The following SYNJ1 variants were observed in gnomAD, a reference collection of about 807,000 sequenced individuals.
SYNJ1 encodes the protein polyphosphatidylinositol phosphatase SYNJ1.
Under a neutral mutation model 168.2 loss-of-function variants are expected in SYNJ1, and 78 were observed. The observed-to-expected ratio is 0.46, with a 90% CI of 0.39 to 0.56. The LOEUF (loss-of-function observed/expected upper bound fraction) is 0.56, where lower values mean the gene tolerates loss of function less well. SYNJ1 is among the 20% of genes least tolerant of loss of function. The pLI, the probability that SYNJ1 is intolerant of heterozygous loss-of-function variation, is 0.00. For synonymous variants in SYNJ1, 539 were observed against 548.6 expected (o/e 0.98, Z 0.24); for missense variants, 1,303 against 1,597.6 (o/e 0.82, Z 3.14).
At chr21:32,701,019 G>C (rs1337251806) in intron 3 of SYNJ1, among the ~76,000 whole-genome samples, 3 of 152,064 alleles carry the variant, frequency 2.0e-5, no homozygotes, top group African/African-American at 7.3e-5. Flanking sequence ...AGGTAGAAGC[G>C]GCCCTGAATC....
At chr21:32,646,258 A>G (rs940744313) in intron 24 of SYNJ1, 135 bp downstream of exon 24, 12 of 839,792 alleles carry the variant, frequency 1.4e-5, no homozygotes, top group Non-Finnish European at 2.3e-5. Context: ...CTTATCATCT[A>G]CAAGTTTTCC....
chr21:32,645,428 T>TGTG (rs1312471613), intron 25 of SYNJ1, among the ~76,000 whole-genome samples: 1 of 152,214 alleles, frequency 6.6e-6, no homozygotes, highest in African/African-American at 2.4e-5. Context: ...AGAAGGCAGC[T>TGTG]AAAGGCAGCT....
chr21:32,686,918 T>G (rs1370215940), intron 8 of SYNJ1, 60 bp downstream of exon 8: 14 of 1,142,452 alleles, frequency 1.2e-5, no homozygotes, highest in Non-Finnish European at 1.7e-5. Flanking sequence ...ATTATTTTAT[T>G]TTTTAATACC....
chr21:32,702,238 T>A (rs1342356688), intron 2 of SYNJ1, among the ~76,000 whole-genome samples, 191 bp from the exon 3 acceptor site: 1 of 152,224 alleles, frequency 6.6e-6, no homozygotes, highest in Non-Finnish European at 1.5e-5. Flanking sequence ...CAAGACCATC[T>A]ATTAATTAAT....
intron 9 of SYNJ1, among the ~76,000 whole-genome samples, chr21:32,684,808 C>T (rs1180338832): frequency 6.6e-6 from 1 of 152,132 alleles, no homozygotes; most frequent in East Asian, 1.9e-4. Flanking sequence ...CTAACACTTG[C>T]TAATTATGAG....
intron 2 of SYNJ1, among the ~76,000 whole-genome samples, chr21:32,708,731 C>T (rs1033192820): frequency 6.7e-6 from 1 of 150,366 alleles, no homozygotes; most frequent in African/African-American, 2.4e-5. Context: ...TACTCAACAC[C>T]ATCTTTCATT....
intron 31 of SYNJ1, among the ~76,000 whole-genome samples, chr21:32,637,602 G>C (rs2039635561): frequency 6.6e-6 from 1 of 151,974 alleles, no homozygotes; most frequent in South Asian, 2.1e-4. Context: ...AAACAAAAGA[G>C]ACAGGGTTTC....
chr21:32,685,233 C>G (rs1189923912), intron 9 of SYNJ1, among the ~76,000 whole-genome samples: 2 of 150,840 alleles, frequency 1.3e-5, no homozygotes, highest in Non-Finnish European at 3.0e-5. Flanking sequence ...ATAAAATGCG[C>G]TCACTAATGT....
In SYNJ1 at chr21:32,666,430, G is replaced by T. The variant is rs758644105; in HGVS notation, c.1952+3C>A. 1 of 1,612,752 alleles carries T rather than the reference G, an allele frequency of 6.2e-7. No individual in the cohort carries two copies. The highest frequency in any genetic ancestry group is 1.1e-5 in the South Asian group (1 of 90,624). ...GCCTTAGAGGAGTGTTCTGTTTACT[G>T]ACCTGATAAAAGGAGCATGCTGTGG... On this transcript the variant is annotated splice_donor_region_variant and intron_variant, in intron 16 of 32. Coordinates refer to ENST00000674351, the MANE Select transcript of SYNJ1 (RefSeq NM_203446.3).
intron 6 of SYNJ1, 27 bp from the exon 7 acceptor site, chr21:32,688,394 A>G (rs757521232): frequency 6.3e-7 from 1 of 1,591,518 alleles, no homozygotes; most frequent in South Asian, 1.1e-5. Context: ...ATATTTAATC[A>G]AACCAAAAAC....
chr21:32,683,733 A>G lies in SYNJ1; in HGVS notation c.1200+305T>C, dbSNP rs114471318. Among the ~76,000 whole-genome samples the G allele has an allele frequency of 1.2e-3, 182 of 152,252 alleles. 1 individual carries two copies. Among genetic ancestry groups the G allele is most frequent in the African/African-American group, 4.2e-3 (174 of 41,562 alleles). On this transcript the variant is annotated intron_variant, in intron 10 of 32. Transcript: ENST00000674351. ...TACACACATACACCCACACCCACACATATATATTTCCTCCAAAAGACAGGG... is the reference window on the plus strand; with the variant it reads ...TACACACATACACCCACACCCACACGTATATATTTCCTCCAAAAGACAGGG...
In SYNJ1 at chr21:32,650,249, G is replaced by A. The variant is rs1601283292; in HGVS notation, c.2972C>T (p.Pro991Leu). Reference protein sequence around the residue: ...MSLEKISIALPSSTSSTLLGE... With the variant: ...MSLEKISIALLSSTSSTLLGE... Reference sequence around the variant, plus strand: ...AAGCAGGGTAGAGCTTGTTGATGATGGCAATGCAATGCTAATTTTCTCTAA... The same window carrying A: ...AAGCAGGGTAGAGCTTGTTGATGATAGCAATGCAATGCTAATTTTCTCTAA... The change falls in exon 23 of 33, where the codon CCA (proline) becomes CTA (leucine). Residue 991 changes from proline to leucine, a missense_variant. By Grantham distance (98) the Pro-to-Leu change is moderately conservative. Around this residue, in one of 2 missense-constraint regions of SYNJ1, gnomAD observed 920 missense variants for 1,208.8 expected, o/e 0.76. Coordinates refer to ENST00000674351, the MANE Select transcript of SYNJ1 (RefSeq NM_203446.3). 6.2e-7 allele frequency: 1 copy of A among 1,613,776 alleles called. No individual in the cohort carries two copies. Among genetic ancestry groups the A allele is most frequent in the Non-Finnish European group, 8.5e-7 (1 of 1,179,952 alleles).
At chr21:32,640,837 T>G (rs2039803561) in intron 29 of SYNJ1, among the ~76,000 whole-genome samples, 1 of 152,236 alleles carries the variant, frequency 6.6e-6, no homozygotes, top group African/African-American at 2.4e-5. Context: ...TCTATTTTCA[T>G]ATGTTTGCTG....
chr21:32,654,630 A>G (rs930687659), intron 21 of SYNJ1, among the ~76,000 whole-genome samples: 1 of 152,174 alleles, frequency 6.6e-6, no homozygotes, highest in African/African-American at 2.4e-5. Flanking sequence ...CCTTATTCTC[A>G]ATCAGCAATG....
At chr21:32,692,341 C>T (rs1483829574) in intron 6 of SYNJ1, among the ~76,000 whole-genome samples, 1 of 152,104 alleles carries the variant, frequency 6.6e-6, no homozygotes, top group Non-Finnish European at 1.5e-5. Flanking sequence ...CTTTGGGAGG[C>T]CAAGGCAGGT....
chr21:32,720,010 T>C (rs1022547477), intron 2 of SYNJ1, among the ~76,000 whole-genome samples: 1 of 151,904 alleles, frequency 6.6e-6, no homozygotes, highest in African/African-American at 2.4e-5. Flanking sequence ...AAGGCCGAGG[T>C]GGGCAGATCA....
chr21:32,665,106 C>T (rs1472612466), intron 17 of SYNJ1, 35 bp from the exon 18 acceptor site: 19 of 1,559,282 alleles, frequency 1.2e-5, no homozygotes, highest in Admixed American at 1.9e-5. Flanking sequence ...AAATTCAAAA[C>T]AATCAATGTT....
chr21:32,644,036 T>C (rs901586808), intron 26 of SYNJ1, among the ~76,000 whole-genome samples: 1 of 152,240 alleles, frequency 6.6e-6, no homozygotes, highest in African/African-American at 2.4e-5. Context: ...TGCCTAACTT[T>C]TGACAGATTC....
chr21:32,666,304 A>C (rs2040929365), intron 16 of SYNJ1, 129 bp downstream of exon 16: 2 of 1,477,598 alleles, frequency 1.4e-6, no homozygotes, highest in Non-Finnish European at 1.8e-6. Flanking sequence ...CAAAACCCCC[A>C]AAACCCCATT....
Sources: allele counts gnomAD v4.1 joint callset (sites outside exome capture counted in the v4.1 genomes callset), GRCh38; gene constraint gnomAD v4.1.1; regional missense constraint gnomAD v4.1.1; transcripts MANE v1.5; gene names NCBI Gene and HGNC (gene_info 2026-07-23, HGNC 2026-07-21).